Variants in KRT4 observed in about 807,000 individuals in gnomAD.
The protein encoded by KRT4 is keratin, type II cytoskeletal 4.
In KRT4, 47 loss-of-function variants were observed where a neutral mutation model predicts 50.6. The observed-to-expected ratio is 0.93, with a 90% CI of 0.73 to 1.18. KRT4 has a LOEUF of 1.18. Among genes scored for constraint, KRT4 ranks in the 50% most tolerant of loss-of-function variants. The pLI, the probability that KRT4 is intolerant of heterozygous loss-of-function variation, is 0.00. For synonymous variants in KRT4, 254 were observed against 251.2 expected (o/e 1.01, Z -0.10); for missense variants, 651 against 645.7 (o/e 1.01, Z -0.09).
rs570829005 is a variant in KRT4, at chr12:52,810,957, A to G, written c.678-141T>C. ...AGTTGCATTTCCCATATTCATACAG[A>G]TATTCATTTAACCTATATTCATTGA... On this transcript the variant is annotated intron_variant, in intron 2 of 8. Coordinates refer to ENST00000551956, the MANE Select transcript of KRT4 (RefSeq NM_002272.4). The G allele has an allele frequency of 3.0e-5, 21 of 707,222 alleles. No individual in the cohort carries two copies. In the South Asian group the frequency reaches 3.1e-4, roughly 11 times the overall value. 43.8% of individuals were successfully genotyped at this position (707,222 alleles called of 1,614,324 possible).
intron 5 of KRT4, 71 bp from the exon 6 acceptor site, chr12:52,808,490 CAG>C: frequency 6.2e-7 from 1 of 1,600,118 alleles, no homozygotes; most frequent in Non-Finnish European, 8.5e-7. Flanking sequence ...CAAGTGAACT[CAG>C]TGAGAATTGC....
At position 52,813,604 on chromosome 12, in the gene KRT4, A is replaced by G; in HGVS notation, c.455T>C (p.Ile152Thr). 2 of 1,613,796 alleles carry G rather than the reference A, an allele frequency of 1.2e-6. No homozygotes were observed. Among genetic ancestry groups the G allele is most frequent in the Non-Finnish European group, 1.7e-6 (2 of 1,179,886 alleles). Residue 152 changes from isoleucine (I) to threonine (T), a missense_variant, in exon 1 of 9, where the codon ATC becomes ACC. Transcript: ENST00000551956. The stretch of plus-strand genomic sequence containing the variant: ...GCCGAGGACACAGCTCACCTTGTCG[A>G]TGAAGGAGGCAAACTTGTTGTTGAG... ...KLLNNKFASF[I>T]DKVQFLEQQN...
intron 3 of KRT4, among the ~76,000 whole-genome samples, chr12:52,810,439 C>A (rs796431232): frequency 6.6e-6 from 1 of 151,820 alleles, no homozygotes; most frequent in South Asian, 2.1e-4. Context: ...CCCAGCTACT[C>A]GGGAGGCTGA....
intron 5 of KRT4, 131 bp from the exon 6 acceptor site, chr12:52,808,550 C>G (rs1316040192): frequency 1.3e-5 from 20 of 1,503,858 alleles, no homozygotes; most frequent in Admixed American, 1.7e-5. Context: ...TCAAATCAGA[C>G]CAGGACCAAC....
intron 8 of KRT4, 43 bp downstream of exon 8, chr12:52,807,316 C>T: frequency 6.2e-7 from 1 of 1,614,130 alleles, no homozygotes; most frequent in Non-Finnish European, 8.5e-7. Context: ...TCTGGCAAGA[C>T]CCGGGTGAAT....
chr12:52,812,750 T>C (rs1939934473), intron 1 of KRT4, among the ~76,000 whole-genome samples: 1 of 152,222 alleles, frequency 6.6e-6, no homozygotes. Flanking sequence ...CAGTAAAACC[T>C]CTTTAAGTTA....
At chr12:52,808,584 A>T in intron 5 of KRT4, 102 bp downstream of exon 5, 1 of 1,504,216 alleles carries the variant, frequency 6.6e-7, no homozygotes, top group Non-Finnish European at 9.2e-7. Flanking sequence ...GTCTGTTCAT[A>T]TCTGACTTCT....
At position 52,811,921 on chromosome 12, in the gene KRT4, C is replaced by A. The variant is rs1374435074; in HGVS notation, c.519G>T (p.Gln173His). ...TGCTGGAGGTGGTGGTCGTCTGCTG[C>A]TGGAGCAGGTTCCATTTGGTCTCCA... is the stretch of plus-strand genomic sequence containing the variant. ...KVLETKWNLL[Q>H]QQTTTTSSKN... The change falls in exon 2 of 9, where the codon CAG (glutamine) becomes CAT (histidine). Residue 173 changes from glutamine (Q) to histidine (H), a missense_variant. Transcript: ENST00000551956. 3.1e-6 allele frequency: 5 copies of A among 1,614,014 alleles called. No individual in the cohort carries two copies. In the African/African-American group the frequency reaches 6.7e-5, roughly 22 times the overall value.
intron 3 of KRT4, 142 bp downstream of exon 3, chr12:52,810,614 T>C: frequency 1.4e-6 from 1 of 732,298 alleles, no homozygotes; most frequent in South Asian, 1.6e-5. Flanking sequence ...GTTACCCACT[T>C]TCCTTGACTA....
rs78282727 is a variant in KRT4 at position 52,806,936 on chromosome 12, G to A, written c.*133C>T. ...AGAAGATCATCCTGGGGCAGAGAGAGCCCATGGGATAGTGGAGGGGATACT... is the reference window on the plus strand; with the variant it reads ...AGAAGATCATCCTGGGGCAGAGAGAACCCATGGGATAGTGGAGGGGATACT... On this transcript the variant is annotated 3_prime_UTR_variant, in exon 9 of 9. Transcript: ENST00000551956. The A allele has an allele frequency of 3.0e-3, 2,601 of 867,112 alleles. 49 individuals are homozygous for A. The African/African-American group carries it at 0.038, about 13-fold the overall frequency. 53.7% of individuals were successfully genotyped at this position (867,112 alleles called of 1,614,324 possible). A position where few individuals can be genotyped will look rare whatever the true frequency, so the allele number is the denominator to read the frequency against.
rs938266590 is a variant in KRT4, at chr12:52,808,398, C to A, written c.1021G>T (p.Val341Phe). Residue 341 changes from valine (V) to phenylalanine (F), a missense_variant, in exon 6 of 9, where the codon GTT becomes TTT. By Grantham distance (50) the Val-to-Phe change is conservative. Transcript: ENST00000551956. ...QTKVQQLQIS[V>F]DQHGDNLKNT... ...TTCAGGTTGTCACCATGTTGGTCAA[C>A]CGAGATCTGGAGCTGCTGGACCTAA... is the stretch of plus-strand genomic sequence containing the variant. 1 of 1,613,854 alleles carries A rather than the reference C, an allele frequency of 6.2e-7. No individual in the cohort carries two copies. Among genetic ancestry groups the A allele is most frequent in the African/African-American group, 1.3e-5 (1 of 74,892 alleles).
chr12:52,811,652 T>C, intron 2 of KRT4, 111 bp downstream of exon 2: 1 of 874,922 alleles, frequency 1.1e-6, no homozygotes, highest in African/African-American at 1.7e-5. Context: ...TAGAGGGCCT[T>C]CCTAGACGCC....
intron 1 of KRT4, 69 bp downstream of exon 1, chr12:52,813,528 G>A: frequency 5.0e-6 from 7 of 1,396,324 alleles, no homozygotes; most frequent in Non-Finnish European, 6.1e-6. Context: ...GGCAGGCTCA[G>A]GTCTGAGACC....
rs370682705 is a variant in KRT4, at chr12:52,811,783, G to A, written c.657C>T (p.Ser219=). The change falls in exon 2 of 9, where the codon AGC becomes AGT. Residue 219 remains serine, a synonymous_variant. Transcript: ENST00000551956. The part of the protein sequence containing the change: ...LQSELKTMQD[S]VEDFKTKYEE... ...TGTACTTAGTCTTGAAGTCCTCCAC[G>A]CTGTCCTGCATGGTCTTCAGCTCAG... The A allele has an allele frequency of 1.9e-5, 30 of 1,613,254 alleles. No homozygotes were observed. The highest frequency in any genetic ancestry group is 1.2e-4 in the African/African-American group (9 of 74,882).
chr12:52,809,080 G>T (rs1336017055), intron 4 of KRT4: 2 of 639,318 alleles, frequency 3.1e-6, no homozygotes, highest in Admixed American at 2.3e-5. Flanking sequence ...GTGCCGGTGT[G>T]TTGGAATGGA....
At chr12:52,811,737 G>A in intron 2 of KRT4, 26 bp downstream of exon 2, 1 of 1,584,710 alleles carries the variant, frequency 6.3e-7, no homozygotes, top group Middle Eastern at 2.2e-4. Context: ...GTGTCAGATG[G>A]CGTCCCCTCC....
rs1163115478 is a variant in KRT4, at chr12:52,807,163, G to C, written c.1469C>G (p.Ser490Cys). The change falls in exon 9 of 9, where the codon TCC (serine) becomes TGC (cysteine). Residue 490 changes from serine (S) to cysteine (C), a missense_variant. Transcript: ENST00000551956. Reference protein sequence around the residue: ...SGFGLSSGFGSGSGSGFGFGG... With the variant: ...SGFGLSSGFGCGSGSGFGFGG... ...AAACCCAAAGCCACTTCCAGAGCCG[G>C]AGCCAAAGCCACTACTCAGGCCAAA... 6.2e-7 allele frequency: 1 copy of C among 1,614,018 alleles called. No individual in the cohort carries two copies. Among genetic ancestry groups the C allele is most frequent in the Non-Finnish European group, 8.5e-7 (1 of 1,180,024 alleles).
In KRT4 at chr12:52,807,362, T is replaced by G; in HGVS notation, c.1378A>C (p.Ile460Leu). The G allele has an allele frequency of 6.2e-7, 1 of 1,614,188 alleles. No homozygotes were observed. The highest frequency in any genetic ancestry group is 8.5e-7 in the Non-Finnish European group (1 of 1,180,028). ...AGCAGGCGTGGAAGGTACTTACAGA[T>G]GCTCACGGCACTCTGGCATTCTCCA... ...MSGECQSAVS[I>L]SVVSGSTSTG... Residue 460 changes from isoleucine (I) to leucine (L), a missense_variant, in exon 8 of 9, where the codon ATC (isoleucine) becomes CTC (leucine). Ile to Leu is a conservative substitution (Grantham distance 5, BLOSUM62 2). Transcript: ENST00000551956.
chr12:52,813,942 A>C lies in KRT4; in HGVS notation c.117T>G (p.Ala39=). Residue 39 remains alanine (A), a synonymous_variant, in exon 1 of 9, where the codon GCT becomes GCG. Transcript: ENST00000551956. ...CAAATCCCCCAGAAGAGCATCGGCC[A>C]GCACCTCCAGACATGGAGACTGAGC... ...AFSSVSMSGG[A]GRCSSGGFGS... The C allele has an allele frequency of 6.2e-7, 1 of 1,614,194 alleles. No individual in the cohort carries two copies. The highest frequency in any genetic ancestry group is 2.2e-5 in the East Asian group (1 of 44,862).
Sources: allele counts gnomAD v4.1 joint callset (sites outside exome capture counted in the v4.1 genomes callset), GRCh38; gene constraint gnomAD v4.1.1; transcripts MANE v1.5; gene names NCBI Gene and HGNC (gene_info 2026-07-23, HGNC 2026-07-21).